PTPRK: variants seen among roughly 807,000 people sequenced by gnomAD.
PTPRK encodes the protein receptor-type tyrosine-protein phosphatase kappa.
In PTPRK, 75 loss-of-function variants were observed where a neutral mutation model predicts 178.0. The ratio of observed to expected loss-of-function variants is 0.42; its 90% CI spans 0.35 to 0.51. The LOEUF (loss-of-function observed/expected upper bound fraction) is 0.51. Among genes scored for constraint, PTPRK ranks in the 20% least tolerant of loss-of-function variants. The pLI is 0.02. For synonymous variants in PTPRK, 637 were observed against 620.6 expected (o/e 1.03, Z -0.39); for missense variants, 1,441 against 1,797.8 (o/e 0.80, Z 3.59).
chr6:128,179,591 T>C (rs1163544481), intron 7 of PTPRK, among the ~76,000 whole-genome samples: 2 of 152,038 alleles, frequency 1.3e-5, no homozygotes, highest in East Asian at 1.9e-4. Context: ...AAAGCAAGCA[T>C]TGATATAAGC....
chr6:128,280,668 T>C (rs1821529974), intron 3 of PTPRK, among the ~76,000 whole-genome samples: 1 of 152,194 alleles, frequency 6.6e-6, no homozygotes, highest in African/African-American at 2.4e-5. Flanking sequence ...TGGTCAACTA[T>C]AATAATTTCT....
chr6:128,265,853 G>A (rs564556745), intron 3 of PTPRK, among the ~76,000 whole-genome samples: 1 of 152,084 alleles, frequency 6.6e-6, no homozygotes, highest in Non-Finnish European at 1.5e-5. Context: ...TCCCCAAAGC[G>A]ATGGTATTAG....
intron 2 of PTPRK, among the ~76,000 whole-genome samples, chr6:128,335,758 T>A (rs1830837496): frequency 6.6e-6 from 1 of 151,830 alleles, no homozygotes; most frequent in Non-Finnish European, 1.5e-5. Context: ...CAACTATAGC[T>A]CAAGGTTTTG....
In PTPRK at chr6:128,184,748, T is replaced by A. The variant is rs748265925; in HGVS notation, c.869-23A>T. 38 of 1,598,696 alleles carry A rather than the reference T, an allele frequency of 2.4e-5. No individual in the cohort carries two copies. In the Middle Eastern group the frequency reaches 8.3e-4, roughly 35 times the overall value. On this transcript the variant is annotated intron_variant, in intron 6 of 29. Transcript: ENST00000368226. ...GTTCTAGGAGAGATGAGTGTGCACT[T>A]CAATTAGTAAGATTTAAAATAATAC...
At chr6:128,491,977 C>A in intron 1 of PTPRK, 1 of 386,780 alleles carries the variant, frequency 2.6e-6, no homozygotes, top group Non-Finnish European at 5.2e-6. Flanking sequence ...TTAACATAAT[C>A]TTCTAATTGT....
Position 128,064,743 on chromosome 6 carries a change from A to G in PTPRK, c.2194+15T>C. 6.3e-7 allele frequency: 1 copy of G among 1,584,424 alleles called. No homozygotes were observed. The highest frequency in any genetic ancestry group is 8.5e-7 in the Non-Finnish European group (1 of 1,172,040). On this transcript the variant is annotated intron_variant, in intron 13 of 29. Coordinates refer to ENST00000368226, the MANE Select transcript of PTPRK (RefSeq NM_002844.4). ...TGAGAGTAGTTAAAACAAGCAAAAA[A>G]AGCAAACCTCTTACCTTTTGTAGCA... is the stretch of plus-strand genomic sequence containing the variant.
chr6:128,033,974 A>T (rs900913561), intron 13 of PTPRK, among the ~76,000 whole-genome samples: 2 of 152,158 alleles, frequency 1.3e-5, no homozygotes, highest in Non-Finnish European at 2.9e-5. Flanking sequence ...GAGGATGCGG[A>T]CACCTCAAAT....
At chr6:128,414,529 C>T (rs1393209012) in intron 1 of PTPRK, among the ~76,000 whole-genome samples, 1 of 152,114 alleles carries the variant, frequency 6.6e-6, no homozygotes, top group Admixed American at 6.5e-5. Flanking sequence ...TATCATTCAC[C>T]TAAATTTTTA....
intron 2 of PTPRK, among the ~76,000 whole-genome samples, chr6:128,377,462 C>T (rs1202805392): frequency 6.6e-6 from 1 of 152,100 alleles, no homozygotes; most frequent in African/African-American, 2.4e-5. Context: ...TCCCACAACA[C>T]ATGAAAATTA....
In PTPRK at chr6:128,218,994, C is replaced by T. The variant is rs1489366429; in HGVS notation, c.796G>A (p.Asp266Asn). The T allele has an allele frequency of 1.9e-6, 3 of 1,614,032 alleles. No homozygotes were observed. In the South Asian group the frequency reaches 3.3e-5, roughly 18 times the overall value. Residue 266 changes from aspartate (D) to asparagine (N), a missense_variant, in exon 6 of 30, where the codon GAT becomes AAT. Physicochemically the swap from Asp to Asn is conservative, Grantham distance 23. Transcript: ENST00000368226. ...GACTGAGTTACACAGCGATACAAAT[C>T]CTGGTCAGTTTTTGTCACTTCTTGC... is the stretch of plus-strand genomic sequence containing the variant. ...RLQEVTKTDQ[D>N]LYRCVTQSER... is the part of the protein sequence containing the mutation.
intron 3 of PTPRK, among the ~76,000 whole-genome samples, chr6:128,247,477 G>A (rs1159893922): frequency 2.6e-5 from 4 of 151,860 alleles, no homozygotes; most frequent in African/African-American, 4.8e-5. Flanking sequence ...ATGCCACCAC[G>A]CCTGGCTAAT....
At chr6:128,427,807 T>C (rs1844342729) in intron 1 of PTPRK, among the ~76,000 whole-genome samples, 1 of 152,050 alleles carries the variant, frequency 6.6e-6, no homozygotes, top group Non-Finnish European at 1.5e-5. Flanking sequence ...AAACAAAATG[T>C]TTGGGCCAGG....
chr6:128,044,722 A>G (rs558107391), intron 13 of PTPRK, among the ~76,000 whole-genome samples: 2 of 152,054 alleles, frequency 1.3e-5, no homozygotes, highest in Admixed American at 6.6e-5. Context: ...TTTCAAAATT[A>G]GTTTTACTCA....
chr6:128,238,242 A>G (rs1389118119), intron 5 of PTPRK: 2 of 394,656 alleles, frequency 5.1e-6, no homozygotes, highest in African/African-American at 2.2e-5. Flanking sequence ...GGAGAAAGCA[A>G]CATAGAAGTT....
intron 1 of PTPRK, among the ~76,000 whole-genome samples, chr6:128,444,343 C>G (rs1193990934): frequency 6.6e-6 from 1 of 152,284 alleles, no homozygotes; most frequent in Middle Eastern, 3.4e-3. Context: ...TCTCACCACC[C>G]TGGCTTGCCT....
chr6:128,222,541 TC>T (rs758185412), intron 5 of PTPRK, among the ~76,000 whole-genome samples: 9 of 152,152 alleles, frequency 5.9e-5, no homozygotes, highest in Non-Finnish European at 1.2e-4. Context: ...CCCAACAGCC[TC>T]CCTTACCACC....
At chr6:128,449,408 A>C (rs918098545) in intron 1 of PTPRK, among the ~76,000 whole-genome samples, 1 of 152,132 alleles carries the variant, frequency 6.6e-6, no homozygotes. Flanking sequence ...ATGGTATCTG[A>C]TATCAATCTC....
intron 7 of PTPRK, among the ~76,000 whole-genome samples, chr6:128,097,821 A>T (rs1175003733): frequency 6.6e-6 from 1 of 152,160 alleles, no homozygotes; most frequent in Non-Finnish European, 1.5e-5. Context: ...TGTAGGATCA[A>T]GCTTTATTTT....
chr6:128,024,346 T>C (rs4475344), intron 13 of PTPRK, among the ~76,000 whole-genome samples: 38,174 of 152,126 alleles, frequency 0.25, 6,986 homozygotes, highest in African/African-American at 0.52. Flanking sequence ...ATTATGTTGC[T>C]ATGGCATCAA....
Sources: gnomAD v4.1 joint callset for allele counts (sites outside exome capture counted in the v4.1 genomes callset) on GRCh38, gnomAD v4.1.1 for gene constraint, MANE v1.5 for transcripts, NCBI Gene and HGNC (gene_info 2026-07-23, HGNC 2026-07-21) for gene names.